The following ARB2A variants were observed in gnomAD, a reference collection of about 807,000 sequenced individuals.
ARB2A encodes the protein cotranscriptional regulator ARB2A.
the ARB2A span, among the ~76,000 whole-genome samples, chr5:94,028,787 A>G: frequency 1.3e-5 from 2 of 152,206 alleles, no homozygotes; most frequent in African/African-American, 4.8e-5. Flanking sequence ...AGCATTTAGA[A>G]ATAACTTTCA....
chr5:93,981,489 G>C, the ARB2A span, among the ~76,000 whole-genome samples: 6 of 151,898 alleles, frequency 4.0e-5, no homozygotes, highest in Non-Finnish European at 5.9e-5. Flanking sequence ...ACAAATTTTT[G>C]TTGGTTTTTA....
At chr5:94,048,539 C>T in the ARB2A span, among the ~76,000 whole-genome samples, 1 of 152,106 alleles carries the variant, frequency 6.6e-6, no homozygotes, top group African/African-American at 2.4e-5. Flanking sequence ...TCTTCTGGAT[C>T]AGAAACAAAA....
the ARB2A span, among the ~76,000 whole-genome samples, chr5:93,622,377 T>C: frequency 6.6e-6 from 1 of 152,352 alleles, no homozygotes; most frequent in East Asian, 1.9e-4. Context: ...ATTGCTATGG[T>C]TACTCTACAA....
the ARB2A span, among the ~76,000 whole-genome samples, chr5:93,974,064 G>A: frequency 6.6e-6 from 1 of 152,234 alleles, no homozygotes; most frequent in African/African-American, 2.4e-5. Flanking sequence ...AACCTTGAAT[G>A]CAAACAATGT....
the ARB2A span, among the ~76,000 whole-genome samples, chr5:93,897,288 A>G: frequency 6.6e-6 from 1 of 152,058 alleles, no homozygotes; most frequent in Non-Finnish European, 1.5e-5. Context: ...AATCAAAGTT[A>G]CTTTGCATTA....
chr5:93,694,417 A>G, the ARB2A span, among the ~76,000 whole-genome samples: 2 of 152,226 alleles, frequency 1.3e-5, no homozygotes, highest in African/African-American at 4.8e-5. Flanking sequence ...GAGCCAAACC[A>G]TGAGTGAATT....
chr5:93,976,285 T>C, the ARB2A span, among the ~76,000 whole-genome samples: 1 of 152,068 alleles, frequency 6.6e-6, no homozygotes, highest in African/African-American at 2.4e-5. Flanking sequence ...ATAAGAGTCA[T>C]CTATGAAAAA....
the ARB2A span, among the ~76,000 whole-genome samples, chr5:93,745,465 G>A: frequency 6.6e-6 from 1 of 152,164 alleles, no homozygotes; most frequent in Non-Finnish European, 1.5e-5. Context: ...TCTGAGTATA[G>A]TAAGTCCATG....
At chr5:93,782,586 T>C in the ARB2A span, among the ~76,000 whole-genome samples, 6 of 152,172 alleles carry the variant, frequency 3.9e-5, no homozygotes, top group African/African-American at 1.4e-4. Context: ...GAATACAGTT[T>C]ATGTGTTTTA....
At chr5:93,900,651 T>C in the ARB2A span, among the ~76,000 whole-genome samples, 1 of 150,126 alleles carries the variant, frequency 6.7e-6, no homozygotes, top group Admixed American at 6.7e-5. Flanking sequence ...GTGATTCTAC[T>C]ATAAGATAAA....
chr5:93,779,179 T>C, the ARB2A span, among the ~76,000 whole-genome samples: 3 of 151,538 alleles, frequency 2.0e-5, no homozygotes, highest in Admixed American at 2.0e-4. Flanking sequence ...AAAAAGTATA[T>C]AGAAAAAAGG....
At chr5:93,647,468 C>T in the ARB2A span, among the ~76,000 whole-genome samples, 11 of 150,760 alleles carry the variant, frequency 7.3e-5, no homozygotes, top group African/African-American at 2.2e-4. Context: ...CCTTGGGATC[C>T]GCTGGCCTCG....
At chr5:93,682,098 T>A in the ARB2A span, among the ~76,000 whole-genome samples, 1 of 152,166 alleles carries the variant, frequency 6.6e-6, no homozygotes, top group Admixed American at 6.6e-5. Context: ...CAAAATGAGA[T>A]TTTTATCCCA....
At chr5:93,701,294 T>A in the ARB2A span, among the ~76,000 whole-genome samples, 1 of 152,206 alleles carries the variant, frequency 6.6e-6, no homozygotes, top group Admixed American at 6.5e-5. Flanking sequence ...AATCAGTCAC[T>A]ATGTTTTAGC....
the ARB2A span, among the ~76,000 whole-genome samples, chr5:93,918,121 TCTC>T: frequency 6.6e-6 from 1 of 152,130 alleles, no homozygotes; most frequent in Non-Finnish European, 1.5e-5. Flanking sequence ...ATAAAAATAA[TCTC>T]CTTTTTAAAT....
At chr5:93,728,754 A>T in the ARB2A span, among the ~76,000 whole-genome samples, 1 of 152,248 alleles carries the variant, frequency 6.6e-6, no homozygotes, top group African/African-American at 2.4e-5. Flanking sequence ...GCTATTTGAC[A>T]TAAGTCAATA....
the ARB2A span, among the ~76,000 whole-genome samples, chr5:93,684,936 G>A: frequency 3.9e-5 from 6 of 152,236 alleles, no homozygotes; most frequent in African/African-American, 7.2e-5. Flanking sequence ...ATTGCTGTAC[G>A]TTGAAGTGTT....
the ARB2A span, among the ~76,000 whole-genome samples, chr5:94,048,051 C>CTTTTTTT: frequency 7.1e-4 from 68 of 96,064 alleles, 1 homozygote; most frequent in Non-Finnish European, 8.1e-4. Flanking sequence ...AATCGGTAAG[C>CTTTTTTT]TTTTTTTTTT....
chr5:93,986,442 G>A, the ARB2A span, among the ~76,000 whole-genome samples: 1 of 151,526 alleles, frequency 6.6e-6, no homozygotes, highest in African/African-American at 2.4e-5. Context: ...CTGGGGGGTG[G>A]GGGGGCCCCT....
Sources: gnomAD v4.1 joint callset for allele counts (sites outside exome capture counted in the v4.1 genomes callset) on GRCh38, gnomAD v4.1.1 for gene constraint, MANE v1.5 for transcripts, NCBI Gene and HGNC (gene_info 2026-07-23, HGNC 2026-07-21) for gene names.